Variants in WNT5B observed in about 807,000 individuals in gnomAD.
The protein encoded by WNT5B is protein Wnt-5b.
Under a neutral mutation model 36.5 loss-of-function variants are expected in WNT5B, and 18 were observed. The ratio of observed to expected loss-of-function variants is 0.49; its 90% CI spans 0.34 to 0.73. WNT5B has a LOEUF of 0.73. WNT5B is among the 30% of genes least tolerant of loss of function. WNT5B has a pLI of 0.01. For synonymous variants in WNT5B, 213 were observed against 212.3 expected, an observed-to-expected ratio of 1.00 and a Z score of -0.03; for missense variants, 424 against 508.4, an observed-to-expected ratio of 0.83 and a Z score of 1.60.
At chr12:1,623,600 G>A (rs947972353) in intron 1 of WNT5B, among the ~76,000 whole-genome samples, 2 of 152,128 alleles carry the variant, frequency 1.3e-5, no homozygotes, top group Non-Finnish European at 2.9e-5. Context: ...TTGTGCTATC[G>A]AAGTAAGAGC....
At chr12:1,625,169 T>C (rs1184785890), upstream of WNT5B, among the ~76,000 whole-genome samples, 2 of 151,956 alleles carry the variant, frequency 1.3e-5, no homozygotes, top group Non-Finnish European at 2.9e-5. Flanking sequence ...TGAGGCCACA[T>C]TGGAAATAAA....
rs1436329426 is a variant in WNT5B at position 1,646,211 on chromosome 12, A to G, written c.1039A>G (p.Lys347Glu). The G allele has an allele frequency of 6.2e-7, 1 of 1,613,734 alleles. No homozygotes were observed. Among genetic ancestry groups the G allele is most frequent in the Non-Finnish European group, 8.5e-7 (1 of 1,179,990 alleles). The change falls in exon 5 of 5, where the codon AAG (lysine) becomes GAG (glutamate). Residue 347 changes from lysine (K) to glutamate (E), a missense_variant. Transcript: ENST00000397196. ...CCACTGGTGCTGCTTCGTCAGGTGT[A>G]AGAAGTGCACGGAGATCGTGGACCA... ...KFHWCCFVRCKKCTEIVDQYI... is the reference protein window; with the variant it reads ...KFHWCCFVRCEKCTEIVDQYI...
intron 4 of WNT5B, among the ~76,000 whole-genome samples, chr12:1,645,537 A>G (rs1406505652): frequency 1.3e-5 from 2 of 152,240 alleles, no homozygotes; most frequent in African/African-American, 2.4e-5. Flanking sequence ...TAGAAAGTGA[A>G]AGTGCCTGGT....
rs1426344427 is a variant in WNT5B at position 1,640,051 on chromosome 12, G to A, written c.621+75G>A. 5 of 1,506,332 alleles carry A rather than the reference G, an allele frequency of 3.3e-6. No individual in the cohort carries two copies. The African/African-American group carries it at 5.7e-5, about 17-fold the overall frequency. The allele number at this position is 1,506,332 out of a possible 1,614,324, so 93.3% of individuals were successfully genotyped here. On this transcript the variant is annotated intron_variant, in intron 4 of 4. Transcript: ENST00000397196. The stretch of plus-strand genomic sequence containing the variant: ...TTCCCGGGCTGTGCCACCAGCCGTG[G>A]CCTGGCCTTCAAGGAAACGGGTTAG...
At chr12:1,631,017 T>C in intron 1 of WNT5B, 1 of 190,782 alleles carries the variant, frequency 5.2e-6, no homozygotes, top group Non-Finnish European at 1.1e-5. Flanking sequence ...CAAGCTCCGC[T>C]CTTGAAATTA....
upstream of WNT5B, among the ~76,000 whole-genome samples, chr12:1,626,136 T>C (rs752887706): frequency 1.3e-5 from 2 of 151,644 alleles, no homozygotes; most frequent in Admixed American, 6.6e-5. Context: ...CTTTAGATTT[T>C]TTTGTAGAGA....
intron 3 of WNT5B, 88 bp from the exon 4 acceptor site, chr12:1,639,596 G>C: frequency 4.3e-6 from 6 of 1,388,920 alleles, no homozygotes; most frequent in Non-Finnish European, 5.6e-6. Context: ...GAGCCGTGGC[G>C]TGCGGGTCCG....
chr12:1,637,340 G>C lies in WNT5B; in HGVS notation c.329-2344G>C, dbSNP rs189922381. The stretch of plus-strand genomic sequence containing the variant: ...CTCTTGGGTATAAAGGCATACTTTC[G>C]AGATATTGTGGGTTTGCAGATTTGG... On this transcript the variant is annotated intron_variant, in intron 3 of 4. Transcript: ENST00000397196. 3.2e-3 allele frequency among the ~76,000 whole-genome samples: 483 copies of C among 152,204 alleles called. 1 individual carries two copies. Among genetic ancestry groups the C allele is most frequent in the South Asian group, 8.1e-3 (39 of 4,816 alleles).
At chr12:1,634,958 G>A (rs757106628) in intron 3 of WNT5B, among the ~76,000 whole-genome samples, 31 of 152,268 alleles carry the variant, frequency 2.0e-4, no homozygotes, top group Non-Finnish European at 3.2e-4. Flanking sequence ...TTTTTTAGCC[G>A]TTTATTCTTG....
chr12:1,631,731 A>G (rs1410072877), intron 2 of WNT5B, among the ~76,000 whole-genome samples: 2 of 152,154 alleles, frequency 1.3e-5, no homozygotes, highest in Non-Finnish European at 2.9e-5. Flanking sequence ...TCTTGGGTCA[A>G]CAAGAATATC....
intron 2 of WNT5B, 95 bp downstream of exon 2, chr12:1,631,529 C>T: frequency 6.3e-7 from 1 of 1,583,916 alleles, no homozygotes; most frequent in Non-Finnish European, 8.6e-7. Context: ...ACGGTAGTAC[C>T]TTGATTCCTG....
chr12:1,635,277 G>A (rs929719256), intron 3 of WNT5B, among the ~76,000 whole-genome samples: 2 of 152,230 alleles, frequency 1.3e-5, no homozygotes, highest in East Asian at 1.9e-4. Context: ...CTGCAGGTAC[G>A]TGATTTTAGA....
chr12:1,632,716 G>A lies in WNT5B; in HGVS notation c.139G>A (p.Val47Met), dbSNP rs138238149. The change falls in exon 3 of 5, where the codon GTG (valine) becomes ATG (methionine). Residue 47 changes from valine to methionine, a missense_variant. Val to Met is a conservative substitution (Grantham distance 21). Transcript: ENST00000397196. This position sits in a 1 kb window ranked among gnomAD's most constrained non-coding sequence, Gnocchi z 5.8. ...GATGTTTATCATCGGTGCCCAGCCC[G>A]TGTGCAGTCAGCTTCCCGGGCTCTC... ...PEMFIIGAQP[V>M]CSQLPGLSPG... is the part of the protein sequence containing the mutation. 8.4e-5 allele frequency: 136 copies of A among 1,613,482 alleles called. No homozygotes were observed. The highest frequency in any genetic ancestry group is 4.5e-4 in the Admixed American group (27 of 59,986).
chr12:1,643,897 A>G (rs1056273501), intron 4 of WNT5B, among the ~76,000 whole-genome samples: 7 of 151,984 alleles, frequency 4.6e-5, no homozygotes, highest in Admixed American at 2.6e-4. Context: ...AATTCAGGGA[A>G]GGATGGAGGG....
At chr12:1,629,534 C>T (rs183198337) in intron 1 of WNT5B, among the ~76,000 whole-genome samples, 163 bp downstream of exon 1, 1,747 of 152,082 alleles carry the variant, frequency 0.011, 16 homozygotes, top group Non-Finnish European at 0.017. Context: ...GGGCAGGAGG[C>T]TTCGGGGCCG....
rs2094529496 is a variant in WNT5B, at chr12:1,618,222, A to G, written c.-58+1079A>G. Reference sequence around the variant, plus strand: ...CATGGTTTCCCCAGGTCCTTTAAAAATACGCTCCATTTTGCAAACACAGTA... The same window carrying G: ...CATGGTTTCCCCAGGTCCTTTAAAAGTACGCTCCATTTTGCAAACACAGTA... On this transcript the variant is annotated intron_variant, in intron 1 of 4. Transcript: ENST00000310594. This position sits in a 1 kb window ranked among gnomAD's most constrained non-coding sequence, Gnocchi z 4.1. Among the ~76,000 whole-genome samples, 1 of 152,208 alleles carries G rather than the reference A, an allele frequency of 6.6e-6. No individual in the cohort carries two copies. Among genetic ancestry groups the G allele is most frequent in the Admixed American group, 6.5e-5 (1 of 15,280 alleles).
At chr12:1,628,890 A>T (rs757143108), upstream of WNT5B, among the ~76,000 whole-genome samples, 1 of 151,970 alleles carries the variant, frequency 6.6e-6, no homozygotes, top group Non-Finnish European at 1.5e-5. Flanking sequence ...GCCAGGACAG[A>T]GAGCGTCCTG....
In WNT5B at chr12:1,639,668, T is replaced by G. The variant is rs2270036; in HGVS notation, c.329-16T>G. The G allele has an allele frequency of 1.3e-6, 2 of 1,514,770 alleles. No individual in the cohort carries two copies. Among genetic ancestry groups the G allele is most frequent in the Non-Finnish European group, 8.8e-7 (1 of 1,141,500 alleles). The allele number at this position is 1,514,770 out of a possible 1,614,324, so 93.8% of individuals were successfully genotyped here. A position where few individuals can be genotyped will look rare whatever the true frequency, so the allele number is the denominator to read the frequency against. On this transcript the variant is annotated splice_polypyrimidine_tract_variant and intron_variant, in intron 3 of 4. Transcript: ENST00000397196. ...AGGAGAGCGCACCCGCTTACCGCCC[T>G]GGCCTCATTCTGCAGGCAGCCGAGA...
At chr12:1,629,057 A>G (rs1171211862), upstream of WNT5B, 1 of 151,412 alleles carries the variant, frequency 6.6e-6, no homozygotes, top group Non-Finnish European at 1.5e-5. Flanking sequence ...TTAAAAAAAA[A>G]AACATTTTTA....
Sources: allele counts gnomAD v4.1 joint callset (sites outside exome capture counted in the v4.1 genomes callset), GRCh38; gene constraint gnomAD v4.1.1; non-coding constraint Gnocchi (gnomAD v3.1); transcripts MANE v1.5; gene names NCBI Gene and HGNC (gene_info 2026-07-23, HGNC 2026-07-21).